The following COL19A1 variants were observed in gnomAD, a reference collection of about 807,000 sequenced individuals.
COL19A1 encodes the protein collagen alpha-1(XIX) chain.
Under a neutral mutation model 190.2 loss-of-function variants are expected in COL19A1, and 159 were observed. That is an observed-to-expected ratio of 0.84 (90% CI 0.73 to 0.95). The LOEUF is 0.95. Ranked by LOEUF, COL19A1 falls within the 40% of genes least tolerant of loss-of-function variation. COL19A1 has a pLI of 0.00. For missense variants in COL19A1, 1,418 were observed against 1,431.9 expected (o/e 0.99, Z 0.16); for synonymous variants, 509 against 458.9 (o/e 1.11, Z -1.39).
chr6:70,089,250 T>C (rs1289150139), intron 15 of COL19A1, among the ~76,000 whole-genome samples: 1 of 152,192 alleles, frequency 6.6e-6, no homozygotes, highest in South Asian at 2.1e-4. Context: ...TGTATAGTTT[T>C]TTCTCAGTTG....
At chr6:69,873,014 T>G (rs1767929573) in intron 1 of COL19A1, among the ~76,000 whole-genome samples, 1 of 152,228 alleles carries the variant, frequency 6.6e-6, no homozygotes, top group African/African-American at 2.4e-5. Context: ...AATCCCAGGC[T>G]TTGGGATTAT....
intron 2 of COL19A1, among the ~76,000 whole-genome samples, chr6:69,881,541 T>A (rs898600746): frequency 6.6e-6 from 1 of 152,234 alleles, no homozygotes; most frequent in Non-Finnish European, 1.5e-5. Context: ...TGTTTGCTTT[T>A]GTAGCTCTAG....
At chr6:69,892,457 T>C (rs894418670) in intron 2 of COL19A1, among the ~76,000 whole-genome samples, 1 of 152,232 alleles carries the variant, frequency 6.6e-6, no homozygotes, top group African/African-American at 2.4e-5. Flanking sequence ...CAAATCATCA[T>C]AGGACTGAGT....
chr6:70,094,106 AT>A (rs1783095387), intron 15 of COL19A1, among the ~76,000 whole-genome samples: 1 of 152,192 alleles, frequency 6.6e-6, no homozygotes, highest in African/African-American at 2.4e-5. Context: ...ACATTTTAAA[AT>A]ATCTATTAAG....
chr6:69,999,649 A>T (rs76535392), intron 11 of COL19A1, among the ~76,000 whole-genome samples: 2 of 152,182 alleles, frequency 1.3e-5, no homozygotes, highest in Non-Finnish European at 2.9e-5. Flanking sequence ...AAGAGCACTG[A>T]AATTTGTAAA....
At chr6:69,986,737 C>T (rs1458879737) in intron 11 of COL19A1, among the ~76,000 whole-genome samples, 2 of 152,138 alleles carry the variant, frequency 1.3e-5, no homozygotes, top group Non-Finnish European at 2.9e-5. Context: ...TTCTGGTCTC[C>T]AGTGCCCAAC....
intron 12 of COL19A1, 61 bp downstream of exon 12, chr6:70,023,741 A>C (rs902346929): frequency 9.0e-5 from 133 of 1,473,976 alleles, no homozygotes; most frequent in Non-Finnish European, 1.1e-4. Flanking sequence ...TATGCTATTT[A>C]ATGCTATTAA....
chr6:70,166,501 C>A (rs1765168762), intron 37 of COL19A1, among the ~76,000 whole-genome samples: 1 of 152,202 alleles, frequency 6.6e-6, no homozygotes, highest in Non-Finnish European at 1.5e-5. Context: ...ATGCACGCTC[C>A]GTCAGGGAAA....
intron 31 of COL19A1, among the ~76,000 whole-genome samples, chr6:70,153,914 T>C (rs1028114537): frequency 2.0e-5 from 3 of 152,100 alleles, no homozygotes; most frequent in Non-Finnish European, 4.4e-5. Context: ...CCCTTTTATA[T>C]ATTCAGACTC....
intron 9 of COL19A1, among the ~76,000 whole-genome samples, chr6:69,955,873 A>C (rs1289801012): frequency 6.6e-6 from 1 of 152,030 alleles, no homozygotes; most frequent in Non-Finnish European, 1.5e-5. Flanking sequence ...GGGAAGGTTA[A>C]TTTGGGTTCA....
At chr6:69,970,564 G>A (rs868184072) in intron 11 of COL19A1, among the ~76,000 whole-genome samples, 1 of 151,984 alleles carries the variant, frequency 6.6e-6, no homozygotes, top group Non-Finnish European at 1.5e-5. Flanking sequence ...AAAGCTTCTT[G>A]GTGATTATGC....
Position 70,009,347 on chromosome 6 carries a change from C to T in COL19A1, c.1027-14280C>T, listed in dbSNP as rs562037490. ...AATATACAAATTTTTATTTGATTTC[C>T]GTATACAAGCAACAATCAATCAAAA... is the stretch of plus-strand genomic sequence containing the variant. On this transcript the variant is annotated intron_variant, in intron 11 of 50. Transcript: ENST00000620364. 1.2e-4 allele frequency among the ~76,000 whole-genome samples: 18 copies of T among 151,808 alleles called. No individual in the cohort carries two copies. The East Asian group carries it at 2.3e-3, about 20-fold the overall frequency.
chr6:70,110,827 G>A (rs559597516), intron 16 of COL19A1, among the ~76,000 whole-genome samples: 1 of 152,232 alleles, frequency 6.6e-6, no homozygotes, highest in East Asian at 1.9e-4. Flanking sequence ...GCCACTGACT[G>A]CTTGTTTCAT....
At chr6:69,871,860 G>A (rs11752575) in intron 1 of COL19A1, among the ~76,000 whole-genome samples, 4,311 of 147,562 alleles carry the variant, frequency 0.029, 101 homozygotes, top group Non-Finnish European at 0.044. Flanking sequence ...TGTCGCCCAG[G>A]CTGGAGTGCA....
chr6:70,126,470 T>C (rs1222600203), intron 17 of COL19A1, among the ~76,000 whole-genome samples: 1 of 152,158 alleles, frequency 6.6e-6, no homozygotes, highest in East Asian at 1.9e-4. Flanking sequence ...GGCACAGACA[T>C]ATGGACTTTC....
intron 11 of COL19A1, among the ~76,000 whole-genome samples, chr6:69,983,162 T>C (rs893148185): frequency 6.6e-6 from 1 of 152,004 alleles, no homozygotes; most frequent in African/African-American, 2.4e-5. Flanking sequence ...CCATAATATA[T>C]CTATTTATTT....
chr6:70,140,424 A>G lies in COL19A1; in HGVS notation c.1447-530A>G, dbSNP rs528619129. On this transcript the variant is annotated intron_variant, in intron 19 of 50. Transcript: ENST00000620364. ...TTTTTATCCACAATTGCTTGAATCC[A>G]TGGACACAGAACTTACAGATATGGT... is the stretch of plus-strand genomic sequence containing the variant. Among the ~76,000 whole-genome samples the G allele has an allele frequency of 6.6e-5, 10 of 152,040 alleles. No individual in the cohort carries two copies. The East Asian group carries it at 9.7e-4, about 15-fold the overall frequency.
chr6:70,029,319 G>A (rs992038625), intron 12 of COL19A1, among the ~76,000 whole-genome samples: 3 of 152,048 alleles, frequency 2.0e-5, no homozygotes, highest in Non-Finnish European at 4.4e-5. Flanking sequence ...TGATTTTATA[G>A]TCTACCCGCT....
chr6:69,936,275 G>A (rs1200369232), intron 7 of COL19A1, among the ~76,000 whole-genome samples: 1 of 152,080 alleles, frequency 6.6e-6, no homozygotes, highest in East Asian at 1.9e-4. Context: ...AGGAACAGTA[G>A]ACTAGAACAA....
Sources: gnomAD v4.1 joint callset for allele counts (sites outside exome capture counted in the v4.1 genomes callset) on GRCh38, gnomAD v4.1.1 for gene constraint, MANE v1.5 for transcripts, NCBI Gene and HGNC (gene_info 2026-07-23, HGNC 2026-07-21) for gene names.